NWD2: variants seen among roughly 807,000 people sequenced by gnomAD.
NWD2 encodes NACHT and WD repeat domain containing 2.
A neutral mutation model predicts 132.7 loss-of-function variants in NWD2; 37 were observed. The observed-to-expected ratio is 0.28, with a 90% CI of 0.21 to 0.37. The LOEUF (loss-of-function observed/expected upper bound fraction) is 0.37, where lower values mean the gene tolerates loss of function less well. NWD2 is among the 10% of genes least tolerant of loss of function. The pLI, the probability that NWD2 is intolerant of heterozygous loss-of-function variation, is 1.00. For synonymous variants in NWD2, 705 were observed against 803.0 expected (o/e 0.88, Z 2.06); for missense variants, 1,592 against 2,122.4 (o/e 0.75, Z 4.91).
At position 37,438,889 on chromosome 4, in the gene NWD2, C is replaced by A. The variant is rs1366161174; in HGVS notation, c.795C>A (p.Asn265Lys). The A allele has an allele frequency of 6.4e-7, 1 of 1,551,738 alleles. No homozygotes were observed. The highest frequency in any genetic ancestry group is 8.7e-7 in the Non-Finnish European group (1 of 1,147,034). Residue 265 changes from asparagine (N) to lysine (K), a missense_variant, in exon 6 of 7, where the codon AAC becomes AAA. Physicochemically the swap from Asn to Lys is moderately conservative, Grantham distance 94. Around this residue, in one of 7 missense-constraint regions of NWD2, gnomAD observed 5 missense variants for 29.0 expected, o/e 0.17. Coordinates refer to ENST00000309447, the MANE Select transcript of NWD2 (RefSeq NM_001144990.2). ...TTTGCTACATTAGGAAAATTGCTAA[C>A]ATTGAGCGCTTTGTGAAAATCCCAG... ...KCVCYIRKIA[N>K]IERFVKIPEM... is the part of the protein sequence containing the mutation.
intron 1 of NWD2, among the ~76,000 whole-genome samples, chr4:37,263,712 A>C (rs904124935): frequency 1.3e-5 from 2 of 152,162 alleles, no homozygotes; most frequent in Non-Finnish European, 2.9e-5. Flanking sequence ...TGCCAGAAAG[A>C]GAAGAGGGAG....
chr4:37,414,937 G>C (rs1711543693), intron 3 of NWD2, among the ~76,000 whole-genome samples: 1 of 152,196 alleles, frequency 6.6e-6, no homozygotes, highest in African/African-American at 2.4e-5. Flanking sequence ...CTGGAGCACA[G>C]AGGGGTTAAG....
At chr4:37,401,504 G>A (rs1236545552) in intron 3 of NWD2, among the ~76,000 whole-genome samples, 5 of 152,038 alleles carry the variant, frequency 3.3e-5, no homozygotes, top group African/African-American at 1.2e-4. Context: ...TACTTCCCAG[G>A]TTCAGAACCT....
chr4:37,410,606 G>C (rs2109318909), intron 3 of NWD2, among the ~76,000 whole-genome samples: 1 of 152,234 alleles, frequency 6.6e-6, no homozygotes, highest in Non-Finnish European at 1.5e-5. Flanking sequence ...AAATTAACAA[G>C]GATATTCAGG....
At chr4:37,277,636 T>C (rs576385989) in intron 1 of NWD2, among the ~76,000 whole-genome samples, 2 of 152,250 alleles carry the variant, frequency 1.3e-5, no homozygotes, top group South Asian at 2.1e-4. Flanking sequence ...TGACATACTT[T>C]GCCATTCTAA....
intron 3 of NWD2, among the ~76,000 whole-genome samples, chr4:37,409,718 G>A (rs1270547539): frequency 1.3e-5 from 2 of 152,068 alleles, no homozygotes; most frequent in African/African-American, 2.4e-5. Context: ...ATTCACCAAG[G>A]TTGAAATGAA....
chr4:37,289,499 A>G (rs1207050119), intron 1 of NWD2, among the ~76,000 whole-genome samples: 1 of 152,224 alleles, frequency 6.6e-6, no homozygotes, highest in Non-Finnish European at 1.5e-5. Flanking sequence ...ATATTGCCAT[A>G]TCATGTGTTT....
At chr4:37,295,374 T>C (rs1189441237) in intron 1 of NWD2, among the ~76,000 whole-genome samples, 1 of 152,236 alleles carries the variant, frequency 6.6e-6, no homozygotes, top group African/African-American at 2.4e-5. Flanking sequence ...GCTCATTCTG[T>C]GTGGAAATAT....
At chr4:37,294,223 A>G (rs752325508) in intron 1 of NWD2, among the ~76,000 whole-genome samples, 40 of 152,212 alleles carry the variant, frequency 2.6e-4, no homozygotes, top group Non-Finnish European at 5.9e-4. Context: ...TTGAAACAGT[A>G]CGTACACATC....
intron 3 of NWD2, among the ~76,000 whole-genome samples, chr4:37,376,477 C>CT (rs1299225313): frequency 2.0e-5 from 3 of 152,128 alleles, no homozygotes; most frequent in Non-Finnish European, 4.4e-5. Flanking sequence ...CACAGACTCT[C>CT]TTTTTTTGTC....
At chr4:37,271,262 A>G (rs1717866233) in intron 1 of NWD2, among the ~76,000 whole-genome samples, 1 of 151,800 alleles carries the variant, frequency 6.6e-6, no homozygotes, top group South Asian at 2.1e-4. Flanking sequence ...AAATCTGTCA[A>G]GTTCTATAAA....
At chr4:37,440,680 C>T (rs1191253051) in intron 6 of NWD2, among the ~76,000 whole-genome samples, 5 of 152,160 alleles carry the variant, frequency 3.3e-5, no homozygotes, top group East Asian at 1.9e-4. Flanking sequence ...AGACTAGCAG[C>T]GGGTAATCTG....
chr4:37,437,346 T>G (rs1712348011), intron 5 of NWD2, among the ~76,000 whole-genome samples: 1 of 152,156 alleles, frequency 6.6e-6, no homozygotes, highest in Admixed American at 6.5e-5. Flanking sequence ...GGGAACTCTC[T>G]GAGATCTCTT....
intron 1 of NWD2, among the ~76,000 whole-genome samples, chr4:37,320,096 G>C (rs555948960): frequency 6.6e-6 from 1 of 152,288 alleles, no homozygotes; most frequent in East Asian, 1.9e-4. Flanking sequence ...ATTGTGTCTT[G>C]TAATCCATGA....
chr4:37,386,427 A>G (rs752980019), intron 3 of NWD2, among the ~76,000 whole-genome samples: 5 of 152,102 alleles, frequency 3.3e-5, no homozygotes, highest in Non-Finnish European at 7.4e-5. Flanking sequence ...TAAATGTTGG[A>G]GTGTCCCAGG....
chr4:37,400,604 C>A (rs376471536), intron 3 of NWD2, among the ~76,000 whole-genome samples: 4 of 152,164 alleles, frequency 2.6e-5, no homozygotes, highest in African/African-American at 7.2e-5. Context: ...TCCCTATATG[C>A]CTGCTCTTGA....
intron 3 of NWD2, among the ~76,000 whole-genome samples, chr4:37,414,538 ACT>A (rs1190201685): frequency 6.6e-6 from 1 of 152,026 alleles, no homozygotes; most frequent in Non-Finnish European, 1.5e-5. Flanking sequence ...CTGTAACAAG[ACT>A]CTGCTAAAGC....
At chr4:37,376,762 A>C (rs1283305107) in intron 3 of NWD2, among the ~76,000 whole-genome samples, 1 of 152,194 alleles carries the variant, frequency 6.6e-6, no homozygotes, top group Non-Finnish European at 1.5e-5. Flanking sequence ...ACTTTTAAAA[A>C]TATTGGTCCA....
At chr4:37,401,546 C>T (rs929813509) in intron 3 of NWD2, among the ~76,000 whole-genome samples, 12 of 152,130 alleles carry the variant, frequency 7.9e-5, no homozygotes, top group Non-Finnish European at 1.5e-4. Context: ...CTCATTGATC[C>T]CTCCAGCTGC....
Sources: allele counts gnomAD v4.1 joint callset (sites outside exome capture counted in the v4.1 genomes callset), GRCh38; gene constraint gnomAD v4.1.1; regional missense constraint gnomAD v4.1.1; transcripts MANE v1.5; gene names NCBI Gene and HGNC (gene_info 2026-07-23, HGNC 2026-07-21).